Variants in UACA observed in about 807,000 individuals in gnomAD.
UACA encodes nuclear membrane binding protein.
Under a neutral mutation model 160.5 loss-of-function variants are expected in UACA, and 112 were observed. The ratio of observed to expected loss-of-function variants is 0.70; its 90% CI spans 0.60 to 0.82. UACA has a LOEUF of 0.82. UACA is among the 40% of genes least tolerant of loss of function. The probability of loss-of-function intolerance (pLI) is 0.00; values close to 1 mark genes in which losing one functional copy is unlikely to be tolerated. For synonymous variants in UACA, 557 were observed against 568.4 expected, an observed-to-expected ratio of 0.98 and a Z score of 0.29; for missense variants, 1,574 against 1,614.6, an observed-to-expected ratio of 0.97 and a Z score of 0.43.
intron 1 of UACA, among the ~76,000 whole-genome samples, chr15:70,755,370 A>T (rs936213470): frequency 4.1e-5 from 6 of 145,080 alleles, no homozygotes; most frequent in East Asian, 2.0e-4. Context: ...TTCAAGGTTT[A>T]AAAAAAAAAA....
chr15:70,678,206 C>G lies in UACA; in HGVS notation c.892G>C (p.Asp298His). ...AAATCTTCATTTTCAATCTCCAAAT[C>G]CTTAAATAATAAAGACAACAAGGTG... ...SHQREHQNIQ[D>H]LEIENEDLKE... The change falls in exon 11 of 19, where the codon GAT becomes CAT. Residue 298 changes from aspartate to histidine, a missense_variant and splice_region_variant. By Grantham distance (81) the Asp-to-His change is moderately conservative. Transcript: ENST00000322954. 1 of 1,600,240 alleles carries G rather than the reference C, an allele frequency of 6.2e-7. No individual in the cohort carries two copies. Among genetic ancestry groups the G allele is most frequent in the Non-Finnish European group, 8.5e-7 (1 of 1,175,126 alleles).
Position 70,669,004 on chromosome 15 carries a change from C to T in UACA, c.1680G>A (p.Val560=). Residue 560 remains valine (V), a synonymous_variant, in exon 16 of 19, where the codon GTG becomes GTA. Transcript: ENST00000322954. ...KVKYEGASAE[V]GKLRNQIKQN... ...GTTTGATTTGGTTTCTTAATTTCCC[C>T]ACTTCTGCTGAAGCACCTTCATATT... The T allele has an allele frequency of 6.2e-7, 1 of 1,613,832 alleles. No individual in the cohort carries two copies. The highest frequency in any genetic ancestry group is 8.5e-7 in the Non-Finnish European group (1 of 1,179,980).
intron 18 of UACA, among the ~76,000 whole-genome samples, 175 bp from the exon 19 acceptor site, chr15:70,657,302 A>G (rs1030075083): frequency 2.0e-5 from 3 of 151,976 alleles, no homozygotes; most frequent in Non-Finnish European, 4.4e-5. Context: ...CTATCATGAA[A>G]ATAAGATCAA....
intron 18 of UACA, 51 bp from the exon 19 acceptor site, chr15:70,657,178 A>C: frequency 2.0e-6 from 3 of 1,465,300 alleles, no homozygotes; most frequent in South Asian, 1.1e-5. Context: ...CTTTGTTTAC[A>C]TAAGAATTCT....
At chr15:70,664,061 T>C (rs78069849) in intron 17 of UACA, among the ~76,000 whole-genome samples, 2,474 of 152,294 alleles carry the variant, frequency 0.016, 62 homozygotes, top group African/African-American at 0.057. Flanking sequence ...GTTATTATTC[T>C]ATTTTCTTGA....
rs1328377916 is a variant in UACA at position 70,699,676 on chromosome 15, A to G, written c.79-16T>C. On this transcript the variant is annotated splice_polypyrimidine_tract_variant and intron_variant, in intron 1 of 18. Coordinates refer to ENST00000322954, the MANE Select transcript of UACA (RefSeq NM_018003.4). ...CTGCTGCATGCTACAAAAAGGAAAA[A>G]AAAAAGTAAATATGGCATACTACAT... 3 of 1,609,040 alleles carry G rather than the reference A, an allele frequency of 1.9e-6. No individual in the cohort carries two copies. Among genetic ancestry groups the G allele is most frequent in the Non-Finnish European group, 2.5e-6 (3 of 1,178,706 alleles).
intron 1 of UACA, among the ~76,000 whole-genome samples, chr15:70,752,585 T>C (rs1256578547): frequency 1.3e-5 from 2 of 151,216 alleles, no homozygotes; most frequent in Non-Finnish European, 2.9e-5. Flanking sequence ...TGTCTCTCTC[T>C]AGTAAAGAGA....
At chr15:70,749,722 G>A (rs1244306106) in intron 1 of UACA, among the ~76,000 whole-genome samples, 8 of 128,942 alleles carry the variant, frequency 6.2e-5, no homozygotes, top group African/African-American at 2.5e-4. Flanking sequence ...AAAAAAAAAA[G>A]TTGGAGAAAA....
rs931827501 is a variant in UACA at position 70,669,261 on chromosome 15, T to C, written c.1423A>G (p.Lys475Glu). The C allele has an allele frequency of 6.2e-7, 1 of 1,614,108 alleles. No homozygotes were observed. The highest frequency in any genetic ancestry group is 1.3e-5 in the African/African-American group (1 of 75,048). The change falls in exon 16 of 19, where the codon AAA (lysine) becomes GAA (glutamate). Residue 475 changes from lysine to glutamate, a missense_variant. Transcript: ENST00000322954. ...NELAHKVAEC[K>E]ALALECERVK... ...CTTTCACATTCTAATGCTAAAGCTT[T>C]GCATTCTGCCACTTTGTGTGCCAGT... is the stretch of plus-strand genomic sequence containing the variant.
chr15:70,764,022 G>C (rs1222160737), upstream of UACA, among the ~76,000 whole-genome samples: 1 of 152,224 alleles, frequency 6.6e-6, no homozygotes, highest in East Asian at 1.9e-4. Flanking sequence ...CTGGTGCCTG[G>C]AAACCACCAC....
rs1475577182 is a variant in UACA at position 70,667,592 on chromosome 15, T to G, written c.3092A>C (p.Asp1031Ala). 6.2e-7 allele frequency: 1 copy of G among 1,613,016 alleles called. No homozygotes were observed. The highest frequency in any genetic ancestry group is 1.3e-5 in the African/African-American group (1 of 74,924). ...GGTAAAAATCTCCTTCTTTAACTTG[T>G]CATTCTCTTGCTTGTTTTTCTTGAC... ...EEVKKNKQEN[D>A]KLKKEIFTLQ... is the part of the protein sequence containing the mutation. The change falls in exon 16 of 19, where the codon GAC (aspartate) becomes GCC (alanine). Residue 1031 changes from aspartate (D) to alanine (A), a missense_variant. By Grantham distance (126) the Asp-to-Ala change is moderately radical. Transcript: ENST00000322954.
intron 1 of UACA, among the ~76,000 whole-genome samples, chr15:70,761,404 A>G (rs2030745230): frequency 6.8e-6 from 1 of 146,826 alleles, no homozygotes; most frequent in Admixed American, 6.8e-5. Context: ...AGGCAAAAAG[A>G]AAAAAAAAAA....
upstream of UACA, among the ~76,000 whole-genome samples, chr15:70,764,311 G>T (rs1007025729): frequency 1.3e-5 from 2 of 152,124 alleles, no homozygotes; most frequent in African/African-American, 4.8e-5. Context: ...CTTCAAAAAG[G>T]TTTTTTGTTT....
rs749151794 is a variant in UACA, at chr15:70,687,649, A to C, written c.496-3T>G. On this transcript the variant is annotated splice_polypyrimidine_tract_variant and splice_region_variant and intron_variant, in intron 6 of 18. Coordinates refer to ENST00000322954, the MANE Select transcript of UACA (RefSeq NM_018003.4). Reference sequence around the variant, plus strand: ...AGAACAAGTGGTGTCCGCCCGTCCTAAGCAACAGGAAAAATAAAACAGCAT... The same window carrying C: ...AGAACAAGTGGTGTCCGCCCGTCCTCAGCAACAGGAAAAATAAAACAGCAT... The C allele has an allele frequency of 6.2e-7, 1 of 1,613,848 alleles. No homozygotes were observed.
At chr15:70,711,497 T>TA (rs34582821) in intron 1 of UACA, among the ~76,000 whole-genome samples, 98 of 141,808 alleles carry the variant, frequency 6.9e-4, no homozygotes, top group African/African-American at 2.2e-3. Context: ...CCATCTCTAC[T>TA]AAAAAAAAAA....
upstream of UACA, among the ~76,000 whole-genome samples, chr15:70,764,616 A>G (rs1005859474): frequency 6.6e-6 from 1 of 152,256 alleles, no homozygotes; most frequent in African/African-American, 2.4e-5. Flanking sequence ...GTTTCTTTAT[A>G]GTAACGCAAG....
chr15:70,718,324 ATGTGTGTGTGTGTGTGTGTGTG>A (rs59313425), intron 1 of UACA, among the ~76,000 whole-genome samples: 3 of 60,182 alleles, frequency 5.0e-5, no homozygotes, highest in Non-Finnish European at 6.0e-5. Flanking sequence ...GAGAGAGAGA[ATGTGTGTGTGTGTGTGTGTGTG>A]TGTGTGTGTG....
intron 13 of UACA, among the ~76,000 whole-genome samples, chr15:70,675,708 AG>A (rs1222348942): frequency 6.6e-6 from 1 of 152,096 alleles, no homozygotes; most frequent in Non-Finnish European, 1.5e-5. Context: ...ATGCACACAT[AG>A]TTTTTTATTT....
intron 1 of UACA, among the ~76,000 whole-genome samples, chr15:70,753,161 G>C (rs1324223937): frequency 6.6e-6 from 1 of 152,016 alleles, no homozygotes; most frequent in Non-Finnish European, 1.5e-5. Flanking sequence ...ACATGAACAG[G>C]GCATCAGCAG....
Sources: gnomAD v4.1 joint callset for allele counts (sites outside exome capture counted in the v4.1 genomes callset) on GRCh38, gnomAD v4.1.1 for gene constraint, MANE v1.5 for transcripts, NCBI Gene and HGNC (gene_info 2026-07-23, HGNC 2026-07-21) for gene names.